The following MASP1 variants were observed in gnomAD, a reference collection of about 807,000 sequenced individuals.
The protein encoded by MASP1 is mannan-binding lectin serine protease 1.
In MASP1, 59 loss-of-function variants were observed where a neutral mutation model predicts 77.1. The observed-to-expected ratio is 0.77, with a 90% confidence interval of 0.62 to 0.95. The LOEUF is 0.95. Among genes scored for constraint, MASP1 ranks in the 40% least tolerant of loss-of-function variants. The pLI is 0.00. For missense variants in MASP1, 885 were observed against 912.9 expected (o/e 0.97, Z 0.39); for synonymous variants, 362 against 354.5 (o/e 1.02, Z -0.24).
chr3:187,282,675 C>T (rs1717530714), intron 2 of MASP1, among the ~76,000 whole-genome samples: 1 of 152,126 alleles, frequency 6.6e-6, no homozygotes, highest in African/African-American at 2.4e-5. Context: ...GTGGTTTCCA[C>T]ATGAGCACCA....
intron 2 of MASP1, among the ~76,000 whole-genome samples, chr3:187,275,435 G>C (rs779198061): frequency 1.3e-5 from 2 of 152,084 alleles, no homozygotes; most frequent in Non-Finnish European, 2.9e-5. Flanking sequence ...GCTGGAATAA[G>C]GACCAACTGT....
At chr3:187,269,056 C>T (rs1716300241) in intron 2 of MASP1, among the ~76,000 whole-genome samples, 1 of 136,528 alleles carries the variant, frequency 7.3e-6, no homozygotes, top group African/African-American at 2.7e-5. Context: ...CAGAGCAAGA[C>T]ACTGTCTCAA....
At chr3:187,233,409 T>C (rs898525168), downstream of MASP1, among the ~76,000 whole-genome samples, 3 of 152,196 alleles carry the variant, frequency 2.0e-5, no homozygotes, top group African/African-American at 7.2e-5. Context: ...CCTTCCCTCC[T>C]ATCTCCCACA....
intron 4 of MASP1, among the ~76,000 whole-genome samples, chr3:187,258,051 A>G (rs1254114867): frequency 6.6e-6 from 1 of 152,230 alleles, no homozygotes; most frequent in Non-Finnish European, 1.5e-5. Context: ...ATGCCAGGCA[A>G]GGGTTAAGTC....
rs537192599 is a variant in MASP1, at chr3:187,269,601, T to C, written c.238-6881A>G. Among the ~76,000 whole-genome samples the C allele has an allele frequency of 2.0e-5, 3 of 152,310 alleles. No homozygotes were observed. The East Asian group carries it at 5.8e-4, about 29-fold the overall frequency. Reference sequence around the variant, plus strand: ...AGAGCAATGGACTGGGGATCCACTCTCACCCCTCCAAGGAAGCAGAACTGG... The same window carrying C: ...AGAGCAATGGACTGGGGATCCACTCCCACCCCTCCAAGGAAGCAGAACTGG... On this transcript the variant is annotated intron_variant, in intron 2 of 10. Coordinates refer to ENST00000296280, the MANE Select transcript of MASP1 (RefSeq NM_139125.4).
chr3:187,254,456 C>T (rs1213019792), intron 5 of MASP1, among the ~76,000 whole-genome samples: 1 of 152,022 alleles, frequency 6.6e-6, no homozygotes, highest in African/African-American at 2.4e-5. Flanking sequence ...AAAGAGCTTG[C>T]CTAGTGTTAG....
At position 187,262,648 on chromosome 3, in the gene MASP1, G is replaced by T. The variant is rs1376944909; in HGVS notation, c.310C>A (p.Gln104Lys). ...ETTDTEQTPG[Q>K]EVVLSPGSFM... ...GAGCCAGGGGAGAGGACCACCTCCT[G>T]GCCGGGAGTCTGCTCTGTGTCTGTG... is the stretch of plus-strand genomic sequence containing the variant. The change falls in exon 3 of 11, where the codon CAG (glutamine) becomes AAG (lysine). Residue 104 changes from glutamine to lysine, a missense_variant. Gln to Lys is a moderately conservative substitution (Grantham distance 53). Coordinates refer to ENST00000296280, the MANE Select transcript of MASP1 (RefSeq NM_139125.4). 1 of 1,614,148 alleles carries T rather than the reference G, an allele frequency of 6.2e-7. No homozygotes were observed. The highest frequency in any genetic ancestry group is 8.5e-7 in the Non-Finnish European group (1 of 1,180,018).
downstream of MASP1, among the ~76,000 whole-genome samples, chr3:187,231,769 G>A (rs138106234): frequency 6.6e-6 from 1 of 152,268 alleles, no homozygotes; most frequent in Non-Finnish European, 1.5e-5. Context: ...CTGGTAAGAC[G>A]GACTTTCATT....
Position 187,256,876 on chromosome 3 carries a change from TAG to T in MASP1, c.548-18_548-17del, listed in dbSNP as rs760230461. The T allele has an allele frequency of 6.8e-6, 11 of 1,612,058 alleles. No individual in the cohort carries two copies. The South Asian group carries it at 1.2e-4, about 18-fold the overall frequency. ...CTGCACTCCACTGTTGGAAACATAA[TAG>T]AGAAAATGGCGCATCGCAACCACAG... On this transcript the variant is annotated splice_polypyrimidine_tract_variant and intron_variant, in intron 4 of 10. Transcript: ENST00000296280.
chr3:187,265,936 C>T (rs925753518), intron 2 of MASP1, among the ~76,000 whole-genome samples: 7 of 152,198 alleles, frequency 4.6e-5, no homozygotes, highest in Admixed American at 2.0e-4. Flanking sequence ...TCACTGGTCC[C>T]GGTTAATATT....
chr3:187,249,827 A>C lies in MASP1; in HGVS notation c.1090+424T>G, dbSNP rs537148376. Reference sequence around the variant, plus strand: ...CACAGCCCTTCCTGCACAGCCCTAAATCATGAGCTGTCTCAGAAGATGAAG... The same window carrying C: ...CACAGCCCTTCCTGCACAGCCCTAACTCATGAGCTGTCTCAGAAGATGAAG... On this transcript the variant is annotated intron_variant, in intron 8 of 10. Transcript: ENST00000296280. Among the ~76,000 whole-genome samples the C allele has an allele frequency of 3.9e-5, 6 of 152,252 alleles. No individual in the cohort carries two copies. In the South Asian group the frequency reaches 1.2e-3, roughly 32 times the overall value.
chr3:187,289,034 C>T (rs1045200084), intron 1 of MASP1, among the ~76,000 whole-genome samples: 1 of 152,190 alleles, frequency 6.6e-6, no homozygotes, highest in Non-Finnish European at 1.5e-5. Context: ...TCGTCACACT[C>T]TCTGAATGTT....
downstream of MASP1, among the ~76,000 whole-genome samples, chr3:187,232,609 C>T (rs10513805): frequency 0.069 from 10,426 of 152,204 alleles, 512 homozygotes; most frequent in African/African-American, 0.14. Context: ...CATGTTCAAT[C>T]AGTCGCTGAG....
chr3:187,287,172 A>C (rs1245050974), intron 1 of MASP1, among the ~76,000 whole-genome samples: 1 of 152,204 alleles, frequency 6.6e-6, no homozygotes, highest in Middle Eastern at 3.2e-3. Context: ...CTGTGTCTGC[A>C]GGGTAAAGCG....
rs576332526 is a variant in MASP1, at chr3:187,279,844, A to G, written c.237+5981T>C. 1.7e-4 allele frequency among the ~76,000 whole-genome samples: 26 copies of G among 152,298 alleles called. No individual in the cohort carries two copies. The South Asian group carries it at 5.2e-3, about 30-fold the overall frequency. On this transcript the variant is annotated intron_variant, in intron 2 of 10. Coordinates refer to ENST00000296280, the MANE Select transcript of MASP1 (RefSeq NM_139125.4). ...TCTAAAAATGACCACTCCCAAACTTATATACTGACTGATAACCCTTGTGTT... is the reference window on the plus strand; with the variant it reads ...TCTAAAAATGACCACTCCCAAACTTGTATACTGACTGATAACCCTTGTGTT...
chr3:187,251,933 A>G (rs1283145935), intron 6 of MASP1, among the ~76,000 whole-genome samples, 181 bp from the exon 7 acceptor site: 1 of 152,246 alleles, frequency 6.6e-6, no homozygotes, highest in East Asian at 1.9e-4. Flanking sequence ...GCAGTTTCCA[A>G]CTTGGACCAC....
intron 11 of MASP1, among the ~76,000 whole-genome samples, chr3:187,226,919 G>C (rs766705406): frequency 1.3e-5 from 2 of 152,108 alleles, no homozygotes; most frequent in Non-Finnish European, 2.9e-5. Flanking sequence ...TCACTTGGAG[G>C]CTTCTTAGAA....
Position 187,256,853 on chromosome 3 carries a change from G to A in MASP1, c.555C>T (p.Cys185=), listed in dbSNP as rs1715132984. The change falls in exon 5 of 11, where the codon TGC becomes TGT. Residue 185 remains cysteine (C), a synonymous_variant. Transcript: ENST00000296280. ...TCCTTTGAGTGAAGAGGTTGTCACT[G>A]CACTCCACTGTTGGAAACATAATAG... The part of the protein sequence containing the change: ...HTDNRTCRVE[C]SDNLFTQRTG... 9 of 1,613,410 alleles carry A rather than the reference G, an allele frequency of 5.6e-6. No homozygotes were observed. The highest frequency in any genetic ancestry group is 7.6e-6 in the Non-Finnish European group (9 of 1,179,620).
exon 16 of MASP1, chr3:187,219,267 C>T (rs960390088): frequency 2.6e-5 from 4 of 152,174 alleles, no homozygotes; most frequent in African/African-American, 9.7e-5. Context: ...TTTGAGGACC[C>T]TTTGAGATGA....
Sources: gnomAD v4.1 joint callset for allele counts (sites outside exome capture counted in the v4.1 genomes callset) on GRCh38, gnomAD v4.1.1 for gene constraint, MANE v1.5 for transcripts, NCBI Gene and HGNC (gene_info 2026-07-23, HGNC 2026-07-21) for gene names.